SORCS3: variants seen among roughly 807,000 people sequenced by gnomAD.
SORCS3 encodes the protein sortilin related VPS10 domain containing receptor 3, also known as VPS10 domain-containing receptor SorCS3.
A neutral mutation model predicts 146.3 loss-of-function variants in SORCS3; 57 were observed. The ratio of observed to expected loss-of-function variants is 0.39; its 90% CI spans 0.31 to 0.49. The LOEUF (loss-of-function observed/expected upper bound fraction) is 0.49. SORCS3 is among the 20% of genes least tolerant of loss of function. The pLI, the probability that SORCS3 is intolerant of heterozygous loss-of-function variation, is 0.92. For missense variants in SORCS3, 1,341 were observed against 1,575.5 expected, an observed-to-expected ratio of 0.85 and a Z score of 2.52; for synonymous variants, 653 against 618.5, an observed-to-expected ratio of 1.06 and a Z score of -0.83.
intron 3 of SORCS3, among the ~76,000 whole-genome samples, chr10:104,964,793 T>A (rs1564723646): frequency 6.6e-6 from 1 of 152,186 alleles, no homozygotes; most frequent in Admixed American, 6.6e-5. Context: ...TAAGTACACA[T>A]TGTTTTACGA....
intron 1 of SORCS3, among the ~76,000 whole-genome samples, chr10:104,715,877 C>T (rs774105159): frequency 2.0e-5 from 3 of 152,174 alleles, no homozygotes; most frequent in Non-Finnish European, 4.4e-5. Flanking sequence ...TTCTCTTACA[C>T]ACAGGTCAGG....
intron 2 of SORCS3, among the ~76,000 whole-genome samples, chr10:104,854,826 G>A (rs2018312367): frequency 6.6e-6 from 1 of 152,074 alleles, no homozygotes; most frequent in Non-Finnish European, 1.5e-5. Flanking sequence ...ACCTTTTGAT[G>A]CTTTTCTCAC....
intron 4 of SORCS3, among the ~76,000 whole-genome samples, chr10:105,026,159 C>T (rs899426358): frequency 1.3e-5 from 2 of 152,086 alleles, no homozygotes; most frequent in Non-Finnish European, 2.9e-5. Flanking sequence ...TTTCCTCAGA[C>T]CTCACAGTCA....
At chr10:105,026,818 G>A (rs758895844) in intron 4 of SORCS3, among the ~76,000 whole-genome samples, 54 of 152,206 alleles carry the variant, frequency 3.5e-4, no homozygotes, top group Non-Finnish European at 5.0e-4. Context: ...TATATACTGC[G>A]GACTACAAGA....
chr10:104,972,487 G>A (rs990507872), intron 3 of SORCS3, among the ~76,000 whole-genome samples: 7 of 152,088 alleles, frequency 4.6e-5, no homozygotes, highest in African/African-American at 1.4e-4. Flanking sequence ...TTAATTAAAT[G>A]CATAAAACAA....
chr10:104,756,143 C>A (rs1303876448), intron 1 of SORCS3, among the ~76,000 whole-genome samples: 1 of 152,160 alleles, frequency 6.6e-6, no homozygotes, highest in Non-Finnish European at 1.5e-5. Flanking sequence ...CTGAGCCTCG[C>A]AACACTATTA....
At chr10:104,871,585 AACAG>A (rs2018519522) in intron 2 of SORCS3, among the ~76,000 whole-genome samples, 1 of 152,202 alleles carries the variant, frequency 6.6e-6, no homozygotes, top group East Asian at 1.9e-4. Context: ...ATGTGTCTAC[AACAG>A]ACATTTTTTC....
intron 1 of SORCS3, among the ~76,000 whole-genome samples, chr10:104,664,161 C>T (rs74378163): frequency 2.1e-3 from 326 of 152,236 alleles, no homozygotes; most frequent in African/African-American, 7.3e-3. Flanking sequence ...CTTGGGGTGA[C>T]GTTGCATTAA....
intron 20 of SORCS3, among the ~76,000 whole-genome samples, chr10:105,244,034 T>A (rs2056851848): frequency 6.6e-6 from 1 of 152,136 alleles, no homozygotes; most frequent in Non-Finnish European, 1.5e-5. Context: ...CATCCTGCTG[T>A]CGTCCTGACA....
chr10:105,032,157 A>G (rs1448088613), intron 4 of SORCS3, among the ~76,000 whole-genome samples: 1 of 152,152 alleles, frequency 6.6e-6, no homozygotes, highest in Non-Finnish European at 1.5e-5. Flanking sequence ...GCGCCACTGC[A>G]CTCCAGCCTG....
At chr10:104,861,436 C>T (rs910090144) in intron 2 of SORCS3, among the ~76,000 whole-genome samples, 1 of 152,182 alleles carries the variant, frequency 6.6e-6, no homozygotes, top group Admixed American at 6.5e-5. Flanking sequence ...AGTGTTGGAA[C>T]AGTGATGACT....
At chr10:105,094,936 G>T (rs1425142431) in intron 6 of SORCS3, among the ~76,000 whole-genome samples, 2 of 152,150 alleles carry the variant, frequency 1.3e-5, no homozygotes, top group Non-Finnish European at 2.9e-5. Flanking sequence ...GAGGGAACAG[G>T]TAGGTAGCTT....
intron 1 of SORCS3, among the ~76,000 whole-genome samples, chr10:104,798,382 GT>G (rs977274213): frequency 6.6e-6 from 1 of 151,920 alleles, no homozygotes; most frequent in Admixed American, 6.6e-5. Context: ...TGAAGGGTGG[GT>G]TTTTTTTCTT....
intron 5 of SORCS3, among the ~76,000 whole-genome samples, chr10:105,066,061 G>A (rs563731044): frequency 1.2e-4 from 19 of 152,246 alleles, no homozygotes; most frequent in Non-Finnish European, 2.8e-4. Flanking sequence ...CTGCTGTTAT[G>A]GATGGTCCCT....
At chr10:105,215,069 G>T (rs185613750) in intron 18 of SORCS3, among the ~76,000 whole-genome samples, 8 of 152,338 alleles carry the variant, frequency 5.3e-5, no homozygotes, top group Admixed American at 4.6e-4. Flanking sequence ...AAGAGCATGA[G>T]GATGGGGAAG....
intron 1 of SORCS3, among the ~76,000 whole-genome samples, chr10:104,764,400 T>A (rs1191867089): frequency 2.0e-5 from 3 of 152,134 alleles, no homozygotes; most frequent in Non-Finnish European, 4.4e-5. Context: ...GTAGTGAGGC[T>A]TTGAGATTCT....
At chr10:105,088,656 A>G (rs2055680333) in intron 5 of SORCS3, among the ~76,000 whole-genome samples, 2 of 152,208 alleles carry the variant, frequency 1.3e-5, no homozygotes, top group Non-Finnish European at 2.9e-5. Flanking sequence ...CAGCCCCGCA[A>G]CATAGATGTC....
intron 7 of SORCS3, among the ~76,000 whole-genome samples, chr10:105,130,183 T>G (rs772582273): frequency 2.0e-5 from 3 of 152,106 alleles, no homozygotes; most frequent in Non-Finnish European, 4.4e-5. Context: ...TGAGAGAAAA[T>G]TAGGCAGGTT....
At chr10:104,681,490 CTGGGGCA>C (rs2015974316) in intron 1 of SORCS3, among the ~76,000 whole-genome samples, 1 of 152,160 alleles carries the variant, frequency 6.6e-6, no homozygotes. Flanking sequence ...GGAAGAGGCT[CTGGGGCA>C]AGGCTTGGTG....
Sources: gnomAD v4.1 joint callset for allele counts (sites outside exome capture counted in the v4.1 genomes callset) on GRCh38, gnomAD v4.1.1 for gene constraint, MANE v1.5 for transcripts, NCBI Gene and HGNC (gene_info 2026-07-23, HGNC 2026-07-21) for gene names.